Variants in TNFSF13B observed in about 807,000 individuals in gnomAD.
The protein encoded by TNFSF13B is tumor necrosis factor ligand superfamily member 13B.
A neutral mutation model predicts 29.1 loss-of-function variants in TNFSF13B; 8 were observed. The observed-to-expected ratio is 0.27, with a 90% CI of 0.16 to 0.50. TNFSF13B has a LOEUF of 0.50. Among genes scored for constraint, TNFSF13B ranks in the 20% least tolerant of loss-of-function variants. TNFSF13B has a pLI of 0.98. For synonymous variants in TNFSF13B, 125 were observed against 130.8 expected, an observed-to-expected ratio of 0.96 and a Z score of 0.30; for missense variants, 248 against 334.9, an observed-to-expected ratio of 0.74 and a Z score of 2.03.
At chr13:108,293,478 T>G (rs143029486) in intron 3 of TNFSF13B, among the ~76,000 whole-genome samples, 120 of 152,288 alleles carry the variant, frequency 7.9e-4, no homozygotes, top group African/African-American at 2.6e-3. Context: ...TCACTGAAAT[T>G]TGTATATGGA....
chr13:108,277,537 C>T (rs1251266462), intron 2 of TNFSF13B, among the ~76,000 whole-genome samples: 1 of 152,068 alleles, frequency 6.6e-6, no homozygotes, highest in African/African-American at 2.4e-5. Flanking sequence ...GTTCTTGGAT[C>T]TGACGCCAGA....
rs529654142 is a variant in TNFSF13B, at chr13:108,308,300, C to T, written c.*1362C>T. On this transcript the variant is annotated 3_prime_UTR_variant, in exon 6 of 6. Transcript: ENST00000375887. ...TAAACTTTATTTAAATATCTGGTTC[C>T]TATGATTTTGACTTCAGTAAGTTCA... 3.6e-4 allele frequency: 54 copies of T among 152,066 alleles called. 1 individual carries two copies. Among genetic ancestry groups the T allele is most frequent in the African/African-American group, 1.3e-3 (52 of 41,506 alleles). 9.4% of individuals were successfully genotyped at this position (152,066 alleles called of 1,614,324 possible).
chr13:108,290,892 TA>T (rs1881286584), intron 3 of TNFSF13B, among the ~76,000 whole-genome samples: 2 of 152,182 alleles, frequency 1.3e-5, no homozygotes, highest in African/African-American at 4.8e-5. Flanking sequence ...TTTCTACCTT[TA>T]AATACTTTAT....
At chr13:108,300,611 A>G (rs1316846209) in intron 3 of TNFSF13B, among the ~76,000 whole-genome samples, 1 of 152,178 alleles carries the variant, frequency 6.6e-6, no homozygotes. Context: ...TAATCTTTTC[A>G]CTGAAATTAT....
In TNFSF13B at chr13:108,284,291, T is replaced by A. The variant is rs937395900; in HGVS notation, c.425-2512T>A. On this transcript the variant is annotated intron_variant, in intron 2 of 5. Transcript: ENST00000375887. ...TTGCAGTGAGCTGAGATCGCGCCAC[T>A]GCACTCCAGCCTGGGCGACAGAGCG... Among the ~76,000 whole-genome samples the A allele has an allele frequency of 1.4e-4, 21 of 152,212 alleles. No individual in the cohort carries two copies. The Middle Eastern group carries it at 0.01, about 74-fold the overall frequency.
intron 3 of TNFSF13B, among the ~76,000 whole-genome samples, chr13:108,291,708 GC>G (rs1197888896): frequency 6.6e-6 from 1 of 151,824 alleles, no homozygotes; most frequent in African/African-American, 2.4e-5. Flanking sequence ...AAACAGAGTT[GC>G]TCTTTGTTTT....
intron 3 of TNFSF13B, among the ~76,000 whole-genome samples, chr13:108,292,642 CAT>C (rs565620786): frequency 1.3e-5 from 2 of 152,002 alleles, no homozygotes; most frequent in Non-Finnish European, 2.9e-5. Context: ...GGTGTGAAGC[CAT>C]ATCTCTGTTA....
chr13:108,285,242 C>T (rs1485285923), intron 2 of TNFSF13B, among the ~76,000 whole-genome samples: 1 of 152,180 alleles, frequency 6.6e-6, no homozygotes, highest in East Asian at 1.9e-4. Flanking sequence ...TCTTATGTGA[C>T]CACACCCTTT....
intron 3 of TNFSF13B, among the ~76,000 whole-genome samples, chr13:108,297,102 A>G (rs534661705): frequency 6.9e-6 from 1 of 144,972 alleles, no homozygotes; most frequent in Non-Finnish European, 1.5e-5. Context: ...TTTTATTTCT[A>G]TCTCCTTTAG....
At position 108,280,160 on chromosome 13, in the gene TNFSF13B, G is replaced by C. The variant is rs1880894896; in HGVS notation, c.425-6643G>C. Among the ~76,000 whole-genome samples the C allele has an allele frequency of 3.4e-5, 5 of 149,086 alleles. No homozygotes were observed. In the Admixed American group the frequency reaches 3.4e-4, roughly 10 times the overall value. On this transcript the variant is annotated intron_variant, in intron 2 of 5. Transcript: ENST00000375887. Reference sequence around the variant, plus strand: ...TGTTAAAATGAAATGAATGAGAGATGGAATCTAAATTGAAAAAAAGTTAAA... The same window carrying C: ...TGTTAAAATGAAATGAATGAGAGATCGAATCTAAATTGAAAAAAAGTTAAA...
chr13:108,278,259 A>G (rs1337714752), intron 2 of TNFSF13B, among the ~76,000 whole-genome samples: 2 of 152,142 alleles, frequency 1.3e-5, no homozygotes, highest in Non-Finnish European at 2.9e-5. Flanking sequence ...AGAGACATCA[A>G]GTTAAGGAAT....
chr13:108,269,838 T>C lies in TNFSF13B; in HGVS notation c.-58T>C, dbSNP rs1044488635. ...AACAAACACAGATAACAGGAAATGA[T>C]CCATTCCCTGTGGTCACTTATTCTA... On this transcript the variant is annotated 5_prime_UTR_variant, in exon 1 of 6. Transcript: ENST00000375887. 2.8e-6 allele frequency: 4 copies of C among 1,423,796 alleles called. No individual in the cohort carries two copies. Among genetic ancestry groups the C allele is most frequent in the Admixed American group, 4.0e-5 (2 of 49,886 alleles). The allele number at this position is 1,423,796 out of a possible 1,614,324, so 88.2% of individuals were successfully genotyped here.
rs540633520 is a variant in TNFSF13B, at chr13:108,308,087, T to C, written c.*1149T>C. ...TCCTTCGCTTTGCTTGTCTTTTATG[T>C]CATCAGTTTTAACTGTTTACTTCAT... On this transcript the variant is annotated 3_prime_UTR_variant, in exon 6 of 6. Coordinates refer to ENST00000375887, the MANE Select transcript of TNFSF13B (RefSeq NM_006573.5). 2 of 152,086 alleles carry C rather than the reference T, an allele frequency of 1.3e-5. No individual in the cohort carries two copies. Among genetic ancestry groups the C allele is most frequent in the East Asian group, 3.9e-4 (2 of 5,182 alleles). The allele number at this position is 152,086 out of a possible 1,614,324, so 9.4% of individuals were successfully genotyped here. A position where few individuals can be genotyped will look rare whatever the true frequency, so the allele number is the denominator to read the frequency against.
intron 2 of TNFSF13B, among the ~76,000 whole-genome samples, chr13:108,280,867 C>A (rs1168768045): frequency 6.6e-6 from 1 of 152,022 alleles, no homozygotes; most frequent in Non-Finnish European, 1.5e-5. Flanking sequence ...TCTATACAAA[C>A]ACACACACAC....
Position 108,278,586 on chromosome 13 carries a change from CCTCCCCTT to C in TNFSF13B, c.424+8166_424+8173del, listed in dbSNP as rs374382085. Among the ~76,000 whole-genome samples the C allele has an allele frequency of 1.7e-3, 226 of 133,824 alleles. 1 individual carries two copies. The highest frequency in any genetic ancestry group is 2.7e-3 in the East Asian group (12 of 4,404). The allele number at this position is 133,824 out of a possible 152,430, so 87.8% of individuals were successfully genotyped here. On this transcript the variant is annotated intron_variant, in intron 2 of 5. Coordinates refer to ENST00000375887, the MANE Select transcript of TNFSF13B (RefSeq NM_006573.5). ...TCTTCCTACCCCCTCCTCTCCTCCT[CCTCCCCTT>C]CTCTTCCTCCTCCTCCCCTTCTCTT...
intron 3 of TNFSF13B, among the ~76,000 whole-genome samples, chr13:108,287,920 T>G (rs1270134485): frequency 6.6e-6 from 1 of 152,204 alleles, no homozygotes. Context: ...TCACCTAGAA[T>G]GTTAATCCAG....
At chr13:108,272,566 T>G (rs115862467) in intron 2 of TNFSF13B, among the ~76,000 whole-genome samples, 1 of 152,100 alleles carries the variant, frequency 6.6e-6, no homozygotes, top group African/African-American at 2.4e-5. Flanking sequence ...TCTCTCTTTT[T>G]TCCTTTCTAA....
rs1401275961 is a variant in TNFSF13B, at chr13:108,307,138, G to C, written c.*200G>C. The C allele has an allele frequency of 8.3e-6, 4 of 480,544 alleles. No individual in the cohort carries two copies. The highest frequency in any genetic ancestry group is 6.2e-5 in the African/African-American group (3 of 48,144). The allele number at this position is 480,544 out of a possible 1,614,324, so 29.8% of individuals were successfully genotyped here. On this transcript the variant is annotated 3_prime_UTR_variant, in exon 6 of 6. Coordinates refer to ENST00000375887, the MANE Select transcript of TNFSF13B (RefSeq NM_006573.5). ...AATTTAACAGACAGCCACAGCCAAA[G>C]AGTGTCATGTGAATTACAAGAAATA...
chr13:108,280,745 G>A (rs1317024642), intron 2 of TNFSF13B, among the ~76,000 whole-genome samples: 1 of 150,562 alleles, frequency 6.6e-6, no homozygotes, highest in East Asian at 1.9e-4. Flanking sequence ...TAGTGCCTAT[G>A]AGGCAATACA....
Sources: gnomAD v4.1 joint callset for allele counts (sites outside exome capture counted in the v4.1 genomes callset) on GRCh38, gnomAD v4.1.1 for gene constraint, MANE v1.5 for transcripts, NCBI Gene and HGNC (gene_info 2026-07-23, HGNC 2026-07-21) for gene names.